The following SPON1 variants were observed in gnomAD, a reference collection of about 807,000 sequenced individuals.
SPON1 encodes spondin 1.
In SPON1, 52 loss-of-function variants were observed where a neutral mutation model predicts 111.7. The ratio of observed to expected loss-of-function variants is 0.47; its 90% confidence interval spans 0.37 to 0.59. The LOEUF (loss-of-function observed/expected upper bound fraction) is 0.59. SPON1 is among the 20% of genes least tolerant of loss of function. The probability of loss-of-function intolerance (pLI) is 0.00; values close to 1 mark genes in which losing one functional copy is unlikely to be tolerated. For synonymous variants in SPON1, 410 were observed against 395.8 expected (o/e 1.04, Z -0.43); for missense variants, 957 against 1,068.5 (o/e 0.90, Z 1.46).
intron 2 of SPON1, among the ~76,000 whole-genome samples, chr11:13,987,599 T>C (rs1213937983): frequency 6.6e-6 from 1 of 152,198 alleles, no homozygotes; most frequent in Non-Finnish European, 1.5e-5. Context: ...ACCTTTGCTT[T>C]GGTGTTTTAG....
At chr11:14,057,831 C>CAA (rs782306609) in intron 3 of SPON1, among the ~76,000 whole-genome samples, 13,138 of 100,058 alleles carry the variant, frequency 0.13, 973 homozygotes, top group Middle Eastern at 0.19. Context: ...CTTGTCTCTA[C>CAA]AAAAAAAAAA....
At chr11:14,202,236 A>G (rs1848472051) in intron 6 of SPON1, among the ~76,000 whole-genome samples, 1 of 152,230 alleles carries the variant, frequency 6.6e-6, no homozygotes, top group South Asian at 2.1e-4. Flanking sequence ...CAAGAGTAAC[A>G]GTAGCTGAGG....
chr11:14,240,142 C>G (rs150784122), intron 6 of SPON1, among the ~76,000 whole-genome samples: 4 of 152,292 alleles, frequency 2.6e-5, no homozygotes, highest in Admixed American at 6.5e-5. Context: ...CTACATAACT[C>G]TCTGCATACA....
chr11:14,252,184 A>G (rs1432212134), intron 7 of SPON1, among the ~76,000 whole-genome samples: 1 of 152,234 alleles, frequency 6.6e-6, no homozygotes, highest in Non-Finnish European at 1.5e-5. Flanking sequence ...GAGTTCCTTC[A>G]AGGAACTCCC....
intron 1 of SPON1, among the ~76,000 whole-genome samples, chr11:13,980,244 G>T (rs1389505792): frequency 6.6e-6 from 1 of 152,112 alleles, no homozygotes; most frequent in Non-Finnish European, 1.5e-5. Flanking sequence ...GTTTCACCAT[G>T]TTGGCCAGGC....
At chr11:14,182,113 C>T (rs1346810023) in intron 6 of SPON1, among the ~76,000 whole-genome samples, 9 of 152,148 alleles carry the variant, frequency 5.9e-5, no homozygotes, top group African/African-American at 2.2e-4. Flanking sequence ...CATTTGCTCT[C>T]CTAAGTCTCC....
chr11:14,005,025 G>A, intron 2 of SPON1, among the ~76,000 whole-genome samples: 1 of 152,190 alleles, frequency 6.6e-6, no homozygotes, highest in East Asian at 1.9e-4. Context: ...CCCAGGCTAT[G>A]CCTTTTCATT....
At chr11:14,103,291 G>C (rs1849158018) in intron 5 of SPON1, among the ~76,000 whole-genome samples, 1 of 152,216 alleles carries the variant, frequency 6.6e-6, no homozygotes, top group South Asian at 2.1e-4. Context: ...TCTGGAAACA[G>C]AAGGGATGAA....
At chr11:14,178,477 C>T (rs1848204457) in intron 6 of SPON1, among the ~76,000 whole-genome samples, 2 of 151,384 alleles carry the variant, frequency 1.3e-5, no homozygotes, top group Non-Finnish European at 2.9e-5. Context: ...CAAACTTGGT[C>T]TCAGTTTTCA....
intron 5 of SPON1, among the ~76,000 whole-genome samples, chr11:14,090,966 C>A (rs189494885): frequency 9.0e-4 from 136 of 151,794 alleles, no homozygotes; most frequent in Non-Finnish European, 1.5e-3. Flanking sequence ...TAGTTAGATA[C>A]AGAGTTTTGA....
intron 6 of SPON1, among the ~76,000 whole-genome samples, chr11:14,179,429 C>T (rs1226181191): frequency 3.9e-5 from 6 of 152,172 alleles, no homozygotes; most frequent in Non-Finnish European, 8.8e-5. Context: ...GATGCTGGCA[C>T]ATGCTAGTCC....
At chr11:14,230,024 T>C (rs1848781221) in intron 6 of SPON1, among the ~76,000 whole-genome samples, 1 of 151,650 alleles carries the variant, frequency 6.6e-6, no homozygotes, top group Admixed American at 6.6e-5. Flanking sequence ...CTTTAGTGTC[T>C]GCCACAACAC....
intron 6 of SPON1, among the ~76,000 whole-genome samples, chr11:14,152,215 G>T (rs963530700): frequency 1.4e-4 from 21 of 152,154 alleles, no homozygotes; most frequent in African/African-American, 4.8e-4. Flanking sequence ...TTAGACCTCG[G>T]TTCACTGACA....
intron 6 of SPON1, among the ~76,000 whole-genome samples, chr11:14,160,416 TTTATATA>T (rs1554930825): frequency 3.7e-5 from 2 of 54,030 alleles, no homozygotes; most frequent in African/African-American, 1.9e-4. Flanking sequence ...TATATATATA[TTTATATA>T]TATATATTTA....
intron 6 of SPON1, among the ~76,000 whole-genome samples, chr11:14,180,749 C>T (rs1457983163): frequency 6.6e-6 from 1 of 152,164 alleles, no homozygotes; most frequent in East Asian, 1.9e-4. Flanking sequence ...GCTGGACGAA[C>T]AAATAAGTTG....
At chr11:14,100,205 G>A (rs1270480970) in intron 5 of SPON1, among the ~76,000 whole-genome samples, 2 of 148,684 alleles carry the variant, frequency 1.3e-5, no homozygotes, top group East Asian at 3.9e-4. Flanking sequence ...TTCTTATTCT[G>A]CCTCAGGTGC....
chr11:14,074,368 C>T (rs1848899952), intron 3 of SPON1, among the ~76,000 whole-genome samples: 1 of 152,210 alleles, frequency 6.6e-6, no homozygotes, highest in Non-Finnish European at 1.5e-5. Flanking sequence ...GATCCATGCA[C>T]ACATGGCCCC....
At chr11:14,111,729 C>T (rs1849228192) in intron 5 of SPON1, among the ~76,000 whole-genome samples, 1 of 152,120 alleles carries the variant, frequency 6.6e-6, no homozygotes, top group South Asian at 2.1e-4. Context: ...TCCCAATTTG[C>T]AAGGATTCTT....
At chr11:14,000,397 CA>C (rs1848307799) in intron 2 of SPON1, among the ~76,000 whole-genome samples, 1 of 152,172 alleles carries the variant, frequency 6.6e-6, no homozygotes, top group African/African-American at 2.4e-5. Flanking sequence ...TTATCAGCCC[CA>C]GACATGTTAT....
Sources: allele counts gnomAD v4.1 joint callset (sites outside exome capture counted in the v4.1 genomes callset), GRCh38; gene constraint gnomAD v4.1.1; transcripts MANE v1.5; gene names NCBI Gene and HGNC (gene_info 2026-07-23, HGNC 2026-07-21).